BRSK2: variants seen among roughly 807,000 people sequenced by gnomAD.
BRSK2 encodes BR serine/threonine kinase 2.
A neutral mutation model predicts 83.3 loss-of-function variants in BRSK2; 19 were observed. The observed-to-expected ratio is 0.23, with a 90% CI of 0.16 to 0.33. The LOEUF (loss-of-function observed/expected upper bound fraction) is 0.33, where lower values mean the gene tolerates loss of function less well. Among genes scored for constraint, BRSK2 ranks in the 10% least tolerant of loss-of-function variants. BRSK2 has a pLI of 1.00. For missense variants in BRSK2, 798 were observed against 1,042.3 expected, an observed-to-expected ratio of 0.77 and a Z score of 3.23; for synonymous variants, 519 against 435.4, an observed-to-expected ratio of 1.19 and a Z score of -2.39.
intron 1 of BRSK2, among the ~76,000 whole-genome samples, chr11:1,434,644 G>T (rs1333906658): frequency 6.8e-6 from 1 of 147,230 alleles, no homozygotes; most frequent in Non-Finnish European, 1.5e-5. Flanking sequence ...GGGCACCCAG[G>T]AGTGGGGTCC....
chr11:1,393,043 C>T (rs543567763), intron 1 of BRSK2, among the ~76,000 whole-genome samples: 2 of 152,274 alleles, frequency 1.3e-5, no homozygotes, highest in African/African-American at 4.8e-5. Context: ...GGTGGGAACC[C>T]ACCTGCAAAG....
At chr11:1,419,908 A>G (rs1488754043) in intron 1 of BRSK2, among the ~76,000 whole-genome samples, 1 of 152,184 alleles carries the variant, frequency 6.6e-6, no homozygotes, top group Non-Finnish European at 1.5e-5. Flanking sequence ...GTCAGATTCC[A>G]TCTCGAAAAA....
chr11:1,450,575 C>G lies in BRSK2; in HGVS notation c.1288-12C>G. 6.6e-7 allele frequency: 1 copy of G among 1,504,022 alleles called. No homozygotes were observed. Among genetic ancestry groups the G allele is most frequent in the Non-Finnish European group, 9.0e-7 (1 of 1,105,910 alleles). The allele number at this position is 1,504,022 out of a possible 1,614,324, so 93.2% of individuals were successfully genotyped here. ...GATTGAACCAAACACCAAATCTGTC[C>G]CCACCATACAGGTGACCCCTCACCC... On this transcript the variant is annotated splice_polypyrimidine_tract_variant and intron_variant, in intron 13 of 19. Transcript: ENST00000528841.
intron 1 of BRSK2, among the ~76,000 whole-genome samples, chr11:1,398,625 G>A (rs1210759650): frequency 6.6e-6 from 1 of 152,204 alleles, no homozygotes; most frequent in Non-Finnish European, 1.5e-5. Context: ...CAGAGGGCCA[G>A]CCAGGCCAGG....
chr11:1,411,746 T>C (rs893430830), intron 1 of BRSK2: 6 of 1,427,526 alleles, frequency 4.2e-6, no homozygotes, highest in East Asian at 2.5e-5. Context: ...ACTGGTGGGC[T>C]GCACCTGCTG....
Position 1,460,732 on chromosome 11 carries a change from G to GCCCCCCCCCCCCCCCC in BRSK2, c.*20_*21insCCCCCCCCCCCCCCCC. ...GCCGCGAGCAGCCTTAGACACACTAGCCCCCCCCCCCAGCACAGCACTGAC... is the reference window on the plus strand; with the variant it reads ...GCCGCGAGCAGCCTTAGACACACTAGCCCCCCCCCCCCCCCCCCCCCCCCCCCAGCACAGCACTGAC... On this transcript the variant is annotated 3_prime_UTR_variant, in exon 20 of 20. Coordinates refer to ENST00000528841, the MANE Select transcript of BRSK2 (RefSeq NM_001256627.2). 1 of 1,310,260 alleles carries GCCCCCCCCCCCCCCCC rather than the reference G, an allele frequency of 7.6e-7. No individual in the cohort carries two copies. 81.2% of individuals were successfully genotyped at this position (1,310,260 alleles called of 1,614,324 possible).
At chr11:1,451,558 G>A (rs867422987) in intron 15 of BRSK2, 139 bp downstream of exon 15, 62 of 877,970 alleles carry the variant, frequency 7.1e-5, no homozygotes, top group East Asian at 1.8e-4. Flanking sequence ...GGCCCGTCTC[G>A]GCCACTGAGT....
chr11:1,442,095 C>T (rs928394050), intron 4 of BRSK2, among the ~76,000 whole-genome samples: 6 of 149,662 alleles, frequency 4.0e-5, no homozygotes, highest in South Asian at 4.3e-4. Context: ...GGCAGTGTGT[C>T]GGGAAGTTTT....
chr11:1,436,007 G>T, intron 1 of BRSK2, 33 bp from the exon 2 acceptor site: 2 of 1,556,140 alleles, frequency 1.3e-6, no homozygotes, highest in South Asian at 1.2e-5. Flanking sequence ...GGCACCCTGG[G>T]TGGGTCTGAG....
intron 12 of BRSK2, among the ~76,000 whole-genome samples, chr11:1,448,256 G>C (rs943418899): frequency 6.6e-6 from 1 of 152,204 alleles, no homozygotes; most frequent in Admixed American, 6.5e-5. Context: ...AGGAGCTGAG[G>C]AGGGCAGGAG....
At position 1,461,313 on chromosome 11, in the gene BRSK2, TGGA is replaced by T; in HGVS notation, c.*593_*595del. Reference sequence around the variant, plus strand: ...CCGTCCACCGCCTCCACGCCGCACCTGGAGGCCTCCTCGCAGGCCCGTGCCCCG... The same window carrying T: ...CCGTCCACCGCCTCCACGCCGCACCTGGCCTCCTCGCAGGCCCGTGCCCCG... On this transcript the variant is annotated 3_prime_UTR_variant, in exon 20 of 20. Coordinates refer to ENST00000528841, the MANE Select transcript of BRSK2 (RefSeq NM_001256627.2). 1 of 414,134 alleles carries T rather than the reference TGGA, an allele frequency of 2.4e-6. No homozygotes were observed. The highest frequency in any genetic ancestry group is 4.3e-6 in the Non-Finnish European group (1 of 230,628). The allele number at this position is 414,134 out of a possible 1,614,324, so 25.7% of individuals were successfully genotyped here. A position where few individuals can be genotyped will look rare whatever the true frequency, so the allele number is the denominator to read the frequency against.
Position 1,438,037 on chromosome 11 carries a change from G to A in BRSK2, c.187-269G>A, listed in dbSNP as rs1850570584. The stretch of plus-strand genomic sequence containing the variant: ...AGCCCACGTCCCTGCATCCCCCACA[G>A]CTGGCACCAAAGGCCCCTGCGTCCC... On this transcript the variant is annotated intron_variant, in intron 2 of 19. Coordinates refer to ENST00000528841, the MANE Select transcript of BRSK2 (RefSeq NM_001256627.2). The surrounding 1 kb of genome is among the most constrained non-coding windows in gnomAD (Gnocchi z 6.4). Among the ~76,000 whole-genome samples the A allele has an allele frequency of 1.3e-5, 2 of 149,030 alleles. No individual in the cohort carries two copies. Among genetic ancestry groups the A allele is most frequent in the African/African-American group, 5.1e-5 (2 of 39,274 alleles).
At chr11:1,452,696 C>T (rs986259346) in intron 15 of BRSK2, among the ~76,000 whole-genome samples, 2 of 151,662 alleles carry the variant, frequency 1.3e-5, no homozygotes, top group Non-Finnish European at 2.9e-5. Context: ...GGCACAGATG[C>T]CTGCGACAGC....
At chr11:1,391,813 A>G (rs1272261359) in intron 1 of BRSK2, among the ~76,000 whole-genome samples, 2 of 152,182 alleles carry the variant, frequency 1.3e-5, no homozygotes, top group Admixed American at 1.3e-4. Flanking sequence ...AAATGTTATT[A>G]TAAGGAAACA....
rs546318136 is a variant in BRSK2, at chr11:1,455,283, C to T, written c.1668+675C>T. Among the ~76,000 whole-genome samples the T allele has an allele frequency of 1.6e-3, 236 of 150,818 alleles. 2 individuals are homozygous for T. Among genetic ancestry groups the T allele is most frequent in the African/African-American group, 5.0e-3 (203 of 40,952 alleles). On this transcript the variant is annotated intron_variant, in intron 16 of 19. Transcript: ENST00000528841. ...CTGCCCCACCCTGTGCTGCACCCAG[C>T]GCCCAGGCATCACAGGGGCTGCCCC...
intron 1 of BRSK2, among the ~76,000 whole-genome samples, chr11:1,396,176 C>T (rs892280316): frequency 8.3e-5 from 12 of 145,052 alleles, no homozygotes; most frequent in Non-Finnish European, 1.6e-5. Flanking sequence ...GCGTCCCCCG[C>T]TCCTCGTCTC....
chr11:1,433,498 C>T (rs1486908391), intron 1 of BRSK2, among the ~76,000 whole-genome samples: 2 of 152,256 alleles, frequency 1.3e-5, no homozygotes, highest in Non-Finnish European at 1.5e-5. Flanking sequence ...TTTAGGGGCT[C>T]CATGCCCTTC....
chr11:1,424,282 T>C (rs921231823), intron 1 of BRSK2, among the ~76,000 whole-genome samples: 4 of 152,036 alleles, frequency 2.6e-5, no homozygotes, highest in Non-Finnish European at 4.4e-5. Flanking sequence ...CTGCTGGGTG[T>C]CCACCTGCGA....
In BRSK2 at chr11:1,406,165, G is replaced by A. The variant is rs1350641201; in HGVS notation, c.91+15790G>A. ...TTCCTCTCCCTGCCCAGCCGCCAGA[G>A]GTCCCTTCTTAGGAGATAAACTGGG... On this transcript the variant is annotated intron_variant, in intron 1 of 19. Transcript: ENST00000528841. 2.6e-5 allele frequency among the ~76,000 whole-genome samples: 4 copies of A among 152,164 alleles called. No individual in the cohort carries two copies. The South Asian group carries it at 6.2e-4, about 24-fold the overall frequency.
Sources: gnomAD v4.1 joint callset for allele counts (sites outside exome capture counted in the v4.1 genomes callset) on GRCh38, gnomAD v4.1.1 for gene constraint, Gnocchi (gnomAD v3.1) non-coding constraint, MANE v1.5 for transcripts, NCBI Gene and HGNC (gene_info 2026-07-23, HGNC 2026-07-21) for gene names.